The following CDK6 variants were observed in gnomAD, a reference collection of about 807,000 sequenced individuals.
The protein encoded by CDK6 is cyclin-dependent kinase 6.
A neutral mutation model predicts 37.1 loss-of-function variants in CDK6; 6 were observed. That is an observed-to-expected ratio of 0.16 (90% CI 0.09 to 0.32). The LOEUF (loss-of-function observed/expected upper bound fraction) is 0.32, where lower values mean the gene tolerates loss of function less well. Ranked by LOEUF, CDK6 falls within the 10% of genes least tolerant of loss-of-function variation. CDK6 has a pLI of 1.00. For synonymous variants in CDK6, 160 were observed against 161.3 expected (o/e 0.99, Z 0.06); for missense variants, 224 against 418.9 (o/e 0.53, Z 4.06).
chr7:92,738,576 T>G (rs934493397), intron 3 of CDK6, among the ~76,000 whole-genome samples: 1 of 151,114 alleles, frequency 6.6e-6, no homozygotes, highest in Non-Finnish European at 1.5e-5. Flanking sequence ...GAGGTGGAGG[T>G]TGCAGTGAGC....
chr7:92,793,009 T>C (rs1383470962), intron 2 of CDK6, among the ~76,000 whole-genome samples: 1 of 151,840 alleles, frequency 6.6e-6, no homozygotes, highest in Non-Finnish European at 1.5e-5. Flanking sequence ...AAAAATTCAA[T>C]GTATGGCATC....
At chr7:92,668,008 TTCACTCACCAC>T (rs1796996942) in intron 5 of CDK6, among the ~76,000 whole-genome samples, 1 of 152,210 alleles carries the variant, frequency 6.6e-6, no homozygotes, top group Non-Finnish European at 1.5e-5. Context: ...AGGCCTTCAA[TTCACTCACCAC>T]TCACTCACTG....
At chr7:92,740,332 T>G (rs977261511) in intron 3 of CDK6, among the ~76,000 whole-genome samples, 2 of 152,198 alleles carry the variant, frequency 1.3e-5, no homozygotes, top group African/African-American at 4.8e-5. Flanking sequence ...TCTTCCAACA[T>G]ACACATCTTG....
intron 4 of CDK6, chr7:92,710,521 A>G (rs1005732553): frequency 1.7e-5 from 3 of 177,212 alleles, no homozygotes; most frequent in Non-Finnish European, 3.3e-5. Flanking sequence ...AGAATTACCT[A>G]TCTCCAGACT....
chr7:92,778,946 T>TATATATATATATATATATATATATA (rs1479181745), intron 2 of CDK6, among the ~76,000 whole-genome samples: 6 of 135,006 alleles, frequency 4.4e-5, no homozygotes, highest in Non-Finnish European at 7.7e-5. Context: ...TATATATATA[T>TATATATATATATATATATATATATA]AAGATATTAT....
chr7:92,729,318 C>T (rs1798588215), intron 3 of CDK6, among the ~76,000 whole-genome samples: 6 of 152,134 alleles, frequency 3.9e-5, no homozygotes, highest in Admixed American at 3.9e-4. Context: ...TGATGCAATG[C>T]AATGAAACTA....
intron 5 of CDK6, among the ~76,000 whole-genome samples, chr7:92,667,276 T>C (rs1167107298): frequency 1.3e-5 from 2 of 152,206 alleles, no homozygotes; most frequent in Non-Finnish European, 2.9e-5. Context: ...TAGCTCACTG[T>C]CATCTTGAAC....
intron 3 of CDK6, among the ~76,000 whole-genome samples, chr7:92,741,606 G>A (rs980367371): frequency 6.6e-6 from 1 of 152,008 alleles, no homozygotes; most frequent in Non-Finnish European, 1.5e-5. Context: ...GGATTCTCCT[G>A]AATTTACCAG....
At chr7:92,738,480 A>G (rs1253625856) in intron 3 of CDK6, among the ~76,000 whole-genome samples, 2 of 152,066 alleles carry the variant, frequency 1.3e-5, no homozygotes, top group Non-Finnish European at 2.9e-5. Flanking sequence ...TCTCTACTAA[A>G]AACACAAAAT....
chr7:92,677,655 A>T (rs10249013), intron 4 of CDK6, among the ~76,000 whole-genome samples: 26,227 of 152,206 alleles, frequency 0.17, 3,486 homozygotes, highest in African/African-American at 0.37. Context: ...ATAAAAGAAT[A>T]GCATTTTCTA....
intron 5 of CDK6, among the ~76,000 whole-genome samples, chr7:92,646,520 C>A (rs1167550099): frequency 1.3e-5 from 2 of 151,906 alleles, no homozygotes; most frequent in African/African-American, 4.8e-5. Context: ...GCCTCAGCCT[C>A]CCGAGTAGCT....
At chr7:92,671,232 G>A (rs940315863) in intron 5 of CDK6, 194 bp downstream of exon 5, 8 of 383,988 alleles carry the variant, frequency 2.1e-5, no homozygotes, top group Non-Finnish European at 3.2e-5. Flanking sequence ...GAAGCTGCAA[G>A]CTACAGTCAT....
intron 3 of CDK6, among the ~76,000 whole-genome samples, chr7:92,763,519 G>A (rs1194491288): frequency 6.6e-6 from 1 of 152,130 alleles, no homozygotes; most frequent in Non-Finnish European, 1.5e-5. Context: ...TTTTTAGTTG[G>A]AATTCTCCTA....
At chr7:92,817,232 T>TA (rs1019133428) in intron 2 of CDK6, among the ~76,000 whole-genome samples, 4 of 151,642 alleles carry the variant, frequency 2.6e-5, no homozygotes, top group South Asian at 2.1e-4. Context: ...AGAGTTATTA[T>TA]AAAAAAAATT....
intron 5 of CDK6, among the ~76,000 whole-genome samples, chr7:92,646,609 G>C (rs1362590014): frequency 6.6e-6 from 1 of 151,830 alleles, no homozygotes; most frequent in East Asian, 1.9e-4. Flanking sequence ...TGTTGGCCAG[G>C]CTGGTCTTAA....
chr7:92,791,107 G>A (rs1438607920), intron 2 of CDK6, among the ~76,000 whole-genome samples: 1 of 152,166 alleles, frequency 6.6e-6, no homozygotes, highest in African/African-American at 2.4e-5. Context: ...AGGATGGAGA[G>A]GAGAGTACAG....
chr7:92,763,299 T>C (rs1799502998), intron 3 of CDK6, among the ~76,000 whole-genome samples: 1 of 152,216 alleles, frequency 6.6e-6, no homozygotes, highest in African/African-American at 2.4e-5. Context: ...TATATTTAAA[T>C]TTAATATAGT....
At chr7:92,672,134 C>CATATACATATATAT (rs1554401673) in intron 4 of CDK6, among the ~76,000 whole-genome samples, 2 of 65,408 alleles carry the variant, frequency 3.1e-5, no homozygotes, top group African/African-American at 7.1e-5. Context: ...AAAAGCTGTA[C>CATATACATATATAT]ATATATATAT....
chr7:92,705,138 C>T (rs540387700), intron 4 of CDK6, among the ~76,000 whole-genome samples: 11 of 152,272 alleles, frequency 7.2e-5, no homozygotes, highest in South Asian at 6.2e-4. Context: ...TCTTGCATCT[C>T]GGGCATTCCT....
Sources: gnomAD v4.1 joint callset for allele counts (sites outside exome capture counted in the v4.1 genomes callset) on GRCh38, gnomAD v4.1.1 for gene constraint, MANE v1.5 for transcripts, NCBI Gene and HGNC (gene_info 2026-07-23, HGNC 2026-07-21) for gene names.